Variants in RARB observed in about 807,000 individuals in gnomAD.
RARB encodes HBV-activated protein.
Under a neutral mutation model 51.9 loss-of-function variants are expected in RARB, and 17 were observed. The observed-to-expected ratio is 0.33, with a 90% confidence interval of 0.22 to 0.49. The LOEUF is 0.49. Among genes scored for constraint, RARB ranks in the 20% least tolerant of loss-of-function variants. The pLI is 0.99. For synonymous variants in RARB, 215 were observed against 195.4 expected (o/e 1.10, Z -0.84); for missense variants, 369 against 550.8 (o/e 0.67, Z 3.30).
intron 5 of RARB, among the ~76,000 whole-genome samples, chr3:25,362,845 T>C (rs909269176): frequency 3.3e-5 from 5 of 152,092 alleles, no homozygotes; most frequent in African/African-American, 7.2e-5. Flanking sequence ...GGTACCTCAG[T>C]TGGAAATGCA....
At chr3:25,537,535 G>A (rs1396310087) in intron 3 of RARB, among the ~76,000 whole-genome samples, 1 of 152,302 alleles carries the variant, frequency 6.6e-6, no homozygotes, top group Middle Eastern at 3.4e-3. Flanking sequence ...TGAGGCTCTT[G>A]TGGGGCTGTT....
Position 25,596,608 on chromosome 3 carries a change from G to A in RARB, c.1339G>A (p.Val447Met), listed in dbSNP as rs747622687. 11 of 1,590,888 alleles carry A rather than the reference G, an allele frequency of 6.9e-6. No homozygotes were observed. In the East Asian group the frequency reaches 9.0e-5, roughly 13 times the overall value. Reference protein sequence around the residue: ...ENSGVSQSPLVQ With the variant: ...ENSGVSQSPLMQ ...CAGTGGGGTCAGTCAGTCACCACTC[G>A]TGCAATAAGACATTTTCTAGCTACT... Residue 447 changes from valine to methionine, a missense_variant, in exon 8 of 8, where the codon GTG (valine) becomes ATG (methionine). Physicochemically the swap from Val to Met is conservative, Grantham distance 21. This residue lies in a region of RARB where 54 missense variants were observed against 43.4 expected (regional missense o/e 1.24). Coordinates refer to ENST00000330688, the MANE Select transcript of RARB (RefSeq NM_000965.5).
At chr3:25,337,360 G>C (rs1448348130) in intron 5 of RARB, among the ~76,000 whole-genome samples, 1 of 152,106 alleles carries the variant, frequency 6.6e-6, no homozygotes, top group Non-Finnish European at 1.5e-5. Flanking sequence ...AGTTAATTTA[G>C]GAAGCTCTTA....
In RARB at chr3:25,367,817, C is replaced by CAAAAAAAAAAAAAAAAAAAAA; in HGVS notation, c.179-93366_179-93365insAAAAAAAAAAAAAAAAAAAAA. On this transcript the variant is annotated intron_variant, in intron 5 of 11. Coordinates refer to the RARB transcript ENST00000383772. ...AGACCCTGTCACAAAAAAAAACAAGCAAAAAAAAAACAAAAACAAAACAAA... is the reference window on the plus strand; with the variant it reads ...AGACCCTGTCACAAAAAAAAACAAGCAAAAAAAAAAAAAAAAAAAAAAAAAAAAAAACAAAAACAAAACAAA... 1.6e-5 allele frequency among the ~76,000 whole-genome samples: 2 copies of CAAAAAAAAAAAAAAAAAAAAA among 125,566 alleles called. 1 individual carries two copies. Among genetic ancestry groups the CAAAAAAAAAAAAAAAAAAAAA allele is most frequent in the African/African-American group, 6.5e-5 (2 of 30,874 alleles). 82.4% of individuals were successfully genotyped at this position (125,566 alleles called of 152,430 possible).
intron 5 of RARB, among the ~76,000 whole-genome samples, chr3:25,211,942 C>T (rs1701708926): frequency 6.6e-6 from 1 of 152,064 alleles, no homozygotes; most frequent in African/African-American, 2.4e-5. Flanking sequence ...CTTTATTTCC[C>T]CACTTAAAAT....
chr3:25,584,284 C>A (rs1022182297), intron 5 of RARB, among the ~76,000 whole-genome samples: 3 of 152,106 alleles, frequency 2.0e-5, no homozygotes, highest in Non-Finnish European at 2.9e-5. Flanking sequence ...CTCATGGAGC[C>A]GACCTTCTCC....
intron 2 of RARB, among the ~76,000 whole-genome samples, chr3:24,912,632 T>A (rs1234696860): frequency 6.6e-6 from 1 of 152,132 alleles, no homozygotes; most frequent in Non-Finnish European, 1.5e-5. Flanking sequence ...GGCAATGAAC[T>A]CCCATCGCTG....
intron 2 of RARB, among the ~76,000 whole-genome samples, chr3:25,467,841 G>T (rs1220011424): frequency 6.6e-6 from 1 of 152,214 alleles, no homozygotes; most frequent in East Asian, 1.9e-4. Context: ...CAGGCCCTAT[G>T]CCGGGTGCTA....
chr3:24,860,738 T>C lies in RARB; in HGVS notation c.-380+1986T>C, dbSNP rs758551969. 2.2e-4 allele frequency among the ~76,000 whole-genome samples: 34 copies of C among 152,140 alleles called. 1 individual carries two copies. The highest frequency in any genetic ancestry group is 8.8e-5 in the Non-Finnish European group (6 of 68,024). ...CCTAAGTATGTTGAAATTGAGACTA[T>C]TTAAAAAGGAAAGCATAACTTGTGT... On this transcript the variant is annotated intron_variant, in intron 2 of 11. Coordinates refer to the RARB transcript ENST00000383772.
intron 5 of RARB, among the ~76,000 whole-genome samples, chr3:25,281,253 T>A (rs1703514528): frequency 6.6e-6 from 1 of 152,192 alleles, no homozygotes; most frequent in Non-Finnish European, 1.5e-5. Context: ...GGGAACAGTT[T>A]AGTCACAAAG....
chr3:25,230,940 A>G (rs1205574172), intron 5 of RARB, among the ~76,000 whole-genome samples: 4 of 152,176 alleles, frequency 2.6e-5, no homozygotes, highest in Non-Finnish European at 4.4e-5. Context: ...CTTCTATAAG[A>G]TTCATTTTTT....
chr3:25,146,548 C>A (rs1200568109), intron 4 of RARB, among the ~76,000 whole-genome samples: 1 of 145,266 alleles, frequency 6.9e-6, no homozygotes, highest in African/African-American at 2.6e-5. Flanking sequence ...CGCTCTGTTG[C>A]CCAGGCTGGA....
chr3:25,333,765 T>C (rs1704975640), intron 5 of RARB, among the ~76,000 whole-genome samples: 1 of 152,194 alleles, frequency 6.6e-6, no homozygotes, highest in Non-Finnish European at 1.5e-5. Context: ...AGTAAATTTT[T>C]ACATTCTACC....
At chr3:25,478,339 AC>A (rs1478461504) in intron 2 of RARB, among the ~76,000 whole-genome samples, 1 of 152,202 alleles carries the variant, frequency 6.6e-6, no homozygotes, top group African/African-American at 2.4e-5. Flanking sequence ...GCTGCTGCAG[AC>A]TGAGTTTAGT....
At chr3:25,402,707 A>C (rs1707295711) in intron 5 of RARB, among the ~76,000 whole-genome samples, 1 of 152,214 alleles carries the variant, frequency 6.6e-6, no homozygotes, top group Admixed American at 6.5e-5. Flanking sequence ...CAGGCGCAGA[A>C]AGACAAATGT....
intron 5 of RARB, among the ~76,000 whole-genome samples, chr3:25,331,557 C>T (rs1012670839): frequency 3.3e-5 from 5 of 152,120 alleles, no homozygotes; most frequent in African/African-American, 1.2e-4. Flanking sequence ...GCACTAAATG[C>T]CCACAAGAGA....
At chr3:25,233,134 C>T (rs979000365) in intron 5 of RARB, among the ~76,000 whole-genome samples, 5 of 151,826 alleles carry the variant, frequency 3.3e-5, no homozygotes, top group African/African-American at 4.8e-5. Context: ...TGCCACCATA[C>T]CTGGCTAATT....
intron 2 of RARB, among the ~76,000 whole-genome samples, chr3:25,013,644 A>G (rs1697445429): frequency 6.6e-6 from 1 of 152,076 alleles, no homozygotes; most frequent in Non-Finnish European, 1.5e-5. Flanking sequence ...GTTCTAGGAT[A>G]GGATAATCAA....
At chr3:25,383,085 T>C (rs1484371294) in intron 5 of RARB, among the ~76,000 whole-genome samples, 1 of 152,208 alleles carries the variant, frequency 6.6e-6, no homozygotes, top group Non-Finnish European at 1.5e-5. Flanking sequence ...GCATCTACTA[T>C]GCAAGTACAA....
Sources: gnomAD v4.1 joint callset for allele counts (sites outside exome capture counted in the v4.1 genomes callset) on GRCh38, gnomAD v4.1.1 for gene constraint, gnomAD v4.1.1 regional missense constraint, MANE v1.5 for transcripts, NCBI Gene and HGNC (gene_info 2026-07-23, HGNC 2026-07-21) for gene names.